MECOM: variants seen among roughly 807,000 people sequenced by gnomAD.
The protein encoded by MECOM is MDS1 and EVI1 complex locus, also known as histone-lysine N-methyltransferase MECOM.
Under a neutral mutation model 116.3 loss-of-function variants are expected in MECOM, and 13 were observed. That is an observed-to-expected ratio of 0.11 (90% CI 0.07 to 0.18). The LOEUF (loss-of-function observed/expected upper bound fraction) is 0.18, where lower values mean the gene tolerates loss of function less well. MECOM is among the 10% of genes least tolerant of loss of function. MECOM has a pLI of 1.00. For missense variants in MECOM, 1,299 were observed against 1,509.0 expected, an observed-to-expected ratio of 0.86 and a Z score of 2.31; for synonymous variants, 528 against 535.2, an observed-to-expected ratio of 0.99 and a Z score of 0.19.
At chr3:169,190,301 C>T (rs966069542) in intron 2 of MECOM, among the ~76,000 whole-genome samples, 2 of 151,836 alleles carry the variant, frequency 1.3e-5, no homozygotes, top group Non-Finnish European at 2.9e-5. Flanking sequence ...GAGTCTTTTC[C>T]AGAGGTACTC....
chr3:169,619,595 C>T (rs1770453882), intron 1 of MECOM, among the ~76,000 whole-genome samples: 1 of 152,060 alleles, frequency 6.6e-6, no homozygotes, highest in African/African-American at 2.4e-5. Flanking sequence ...TTCCAAAGTC[C>T]CTTCTCACTT....
In MECOM at chr3:169,355,876, C is replaced by T. The variant is rs756109775; in HGVS notation, c.375+25311G>A. Among the ~76,000 whole-genome samples the T allele has an allele frequency of 2.0e-4, 30 of 151,380 alleles. 1 individual carries two copies. The highest frequency in any genetic ancestry group is 6.6e-4 in the Admixed American group (10 of 15,192). ...ATAAGAAAAATCTAAATGTCTAAAC[C>T]GTATATGGAAAACAGAATTGATTTT... is the stretch of plus-strand genomic sequence containing the variant. On this transcript the variant is annotated intron_variant, in intron 2 of 16. Coordinates refer to ENST00000651503, the MANE Select transcript of MECOM (RefSeq NM_004991.4).
intron 2 of MECOM, among the ~76,000 whole-genome samples, chr3:169,195,991 T>C (rs1748364426): frequency 6.6e-6 from 1 of 152,048 alleles, no homozygotes; most frequent in South Asian, 2.1e-4. Context: ...CTGAAACCAA[T>C]ATGCTCTCTG....
rs147336632 is a variant in MECOM, at chr3:169,434,997, G to A, written c.38-53473C>T. Among the ~76,000 whole-genome samples, 567 of 152,266 alleles carry A rather than the reference G, an allele frequency of 3.7e-3. 2 individuals are homozygous for A. Among genetic ancestry groups the A allele is most frequent in the African/African-American group, 0.013 (533 of 41,562 alleles). On this transcript the variant is annotated intron_variant, in intron 1 of 16. Transcript: ENST00000651503. The stretch of plus-strand genomic sequence containing the variant: ...TAGGCTAGTACAGTATGGGAAGCCT[G>A]TAGTTTAACCAAGGTTAAAACAAAT...
At chr3:169,234,659 T>C (rs1220576385) in intron 2 of MECOM, among the ~76,000 whole-genome samples, 1 of 152,184 alleles carries the variant, frequency 6.6e-6, no homozygotes, top group Non-Finnish European at 1.5e-5. Context: ...TTGTGTAAGT[T>C]AAAACAGTAG....
At chr3:169,310,681 TTGAC>T (rs1718581644) in intron 2 of MECOM, among the ~76,000 whole-genome samples, 1 of 152,234 alleles carries the variant, frequency 6.6e-6, no homozygotes, top group South Asian at 2.1e-4. Context: ...CAGTTAATAA[TTGAC>T]TGATCTACAG....
chr3:169,660,458 C>T (rs938476802), intron 1 of MECOM, among the ~76,000 whole-genome samples: 1 of 148,468 alleles, frequency 6.7e-6, no homozygotes, highest in Non-Finnish European at 1.5e-5. Context: ...TTTTCAGGGT[C>T]CGTGGTCTCT....
At chr3:169,370,536 C>T (rs879166248) in intron 2 of MECOM, among the ~76,000 whole-genome samples, 1 of 151,590 alleles carries the variant, frequency 6.6e-6, no homozygotes, top group Non-Finnish European at 1.5e-5. Flanking sequence ...GGGACTATAT[C>T]TAACTAAAAA....
intron 3 of MECOM, chr3:169,133,882 C>A (rs1192338207): frequency 7.9e-7 from 1 of 1,273,404 alleles, no homozygotes; most frequent in East Asian, 5.6e-5. Context: ...CCTTAGAAAA[C>A]AATGGACTTC....
Position 169,084,107 on chromosome 3 carries a change from A to G in MECOM, c.*802T>C, listed in dbSNP as rs780369859. 14 of 231,750 alleles carry G rather than the reference A, an allele frequency of 6.0e-5. No homozygotes were observed. The highest frequency in any genetic ancestry group is 1.0e-4 in the Non-Finnish European group (12 of 117,202). The allele number at this position is 231,750 out of a possible 1,614,324, so 14.4% of individuals were successfully genotyped here. On this transcript the variant is annotated 3_prime_UTR_variant, in exon 17 of 17. Coordinates refer to ENST00000651503, the MANE Select transcript of MECOM (RefSeq NM_004991.4). ...TTTAATCAACAAACAATAGTTTGCC[A>G]ACAAATAAATACATGATACACGCAA...
intron 1 of MECOM, among the ~76,000 whole-genome samples, chr3:169,551,761 T>A (rs1761429655): frequency 6.6e-6 from 1 of 152,176 alleles, no homozygotes; most frequent in South Asian, 2.1e-4. Context: ...TCACAAATAT[T>A]CACAGCACTA....
chr3:169,644,236 GTTTA>G lies in MECOM; in HGVS notation c.37+19096_37+19099del, dbSNP rs10522068. ...TCCTCGCATTTTATTTTATTTATTT[GTTTA>G]TTTATTTATTTATTTATTTATTTAT... On this transcript the variant is annotated intron_variant, in intron 1 of 16. Transcript: ENST00000651503. 5.1e-3 allele frequency among the ~76,000 whole-genome samples: 762 copies of G among 148,144 alleles called. 4 individuals carry two copies. The highest frequency in any genetic ancestry group is 0.01 in the East Asian group (52 of 5,050).
At chr3:169,532,934 C>T (rs562721700) in intron 1 of MECOM, among the ~76,000 whole-genome samples, 10 of 152,254 alleles carry the variant, frequency 6.6e-5, no homozygotes, top group Admixed American at 1.3e-4. Flanking sequence ...CCAGAAAATA[C>T]GTTAACCCTA....
Position 169,382,864 on chromosome 3 carries a change from A to T in MECOM, c.38-1340T>A, listed in dbSNP as rs1161799812. On this transcript the variant is annotated intron_variant, in intron 1 of 16. Coordinates refer to ENST00000651503, the MANE Select transcript of MECOM (RefSeq NM_004991.4). ...AAGCCCATCTCAAAAAAAAAAAAAA[A>T]TAAAAAAAATAAAAAAAGAAGGTAA... is the stretch of plus-strand genomic sequence containing the variant. Among the ~76,000 whole-genome samples, 165 of 112,812 alleles carry T rather than the reference A, an allele frequency of 1.5e-3. 9 individuals carry two copies. The East Asian group carries it at 0.018, about 13-fold the overall frequency. The allele number at this position is 112,812 out of a possible 152,430, so 74.0% of individuals were successfully genotyped here.
chr3:169,088,073 C>T (rs1718411190), intron 16 of MECOM, among the ~76,000 whole-genome samples: 1 of 152,156 alleles, frequency 6.6e-6, no homozygotes, highest in Non-Finnish European at 1.5e-5. Flanking sequence ...GCTGTTAAGA[C>T]AAACCCAGAC....
chr3:169,433,130 A>T (rs1472573513), intron 1 of MECOM, among the ~76,000 whole-genome samples: 1 of 152,192 alleles, frequency 6.6e-6, no homozygotes, highest in Non-Finnish European at 1.5e-5. Context: ...ATGTAAATGG[A>T]AAAAAAGTAT....
intron 2 of MECOM, among the ~76,000 whole-genome samples, chr3:169,294,024 G>C (rs1424587894): frequency 1.3e-5 from 2 of 152,124 alleles, no homozygotes; most frequent in Non-Finnish European, 2.9e-5. Context: ...ATGTCAACTA[G>C]AAACTCATTA....
At chr3:169,250,380 T>C (rs1362915842) in intron 2 of MECOM, among the ~76,000 whole-genome samples, 5 of 152,214 alleles carry the variant, frequency 3.3e-5, no homozygotes, top group Non-Finnish European at 7.3e-5. Context: ...TTCATTAATT[T>C]GTTAACTGTA....
intron 1 of MECOM, among the ~76,000 whole-genome samples, chr3:169,499,447 T>C (rs1754261370): frequency 6.6e-6 from 1 of 151,036 alleles, no homozygotes; most frequent in Non-Finnish European, 1.5e-5. Flanking sequence ...ACAAGTATTT[T>C]CAAAGTTCCA....
Sources: allele counts gnomAD v4.1 joint callset (sites outside exome capture counted in the v4.1 genomes callset), GRCh38; gene constraint gnomAD v4.1.1; transcripts MANE v1.5; gene names NCBI Gene and HGNC (gene_info 2026-07-23, HGNC 2026-07-21).